Variants in SGCZ observed in about 807,000 individuals in gnomAD.
The protein encoded by SGCZ is sarcoglycan zeta.
In SGCZ, 40 loss-of-function variants were observed where a neutral mutation model predicts 41.3. That is an observed-to-expected ratio of 0.97 (90% CI 0.75 to 1.26). The LOEUF is 1.26. Ranked by LOEUF, SGCZ falls within the 50% of genes most tolerant of loss-of-function variation. SGCZ has a pLI of 0.00. For missense variants in SGCZ, 552 were observed against 369.8 expected (o/e 1.49, Z -4.04); for synonymous variants, 206 against 137.5 (o/e 1.50, Z -3.49).
intron 1 of SGCZ, among the ~76,000 whole-genome samples, chr8:14,925,200 T>C (rs117764448): frequency 0.017 from 2,587 of 152,304 alleles, 110 homozygotes; most frequent in Admixed American, 0.097. Flanking sequence ...AAAAGTCAAT[T>C]TTCTTTTGTA....
chr8:14,617,971 A>G (rs1806160135), intron 1 of SGCZ, among the ~76,000 whole-genome samples: 1 of 152,066 alleles, frequency 6.6e-6, no homozygotes, highest in South Asian at 2.1e-4. Context: ...TTTCCCTGTT[A>G]CAACTAAAAG....
At chr8:14,377,586 A>G (rs985310290) in intron 2 of SGCZ, among the ~76,000 whole-genome samples, 2 of 151,532 alleles carry the variant, frequency 1.3e-5, no homozygotes, top group Admixed American at 1.3e-4. Flanking sequence ...TGTGCAGGTT[A>G]GTTACATATG....
intron 1 of SGCZ, among the ~76,000 whole-genome samples, chr8:14,606,376 G>A (rs536551816): frequency 1.3e-5 from 2 of 152,136 alleles, no homozygotes; most frequent in Non-Finnish European, 2.9e-5. Context: ...CAATGGCTTT[G>A]TAATTAGTTC....
intron 7 of SGCZ, among the ~76,000 whole-genome samples, chr8:14,094,663 G>C (rs1484856889): frequency 6.6e-6 from 1 of 152,118 alleles, no homozygotes; most frequent in Non-Finnish European, 1.5e-5. Context: ...TAACGGGATT[G>C]ATGGGTCAAA....
At chr8:14,593,220 G>A (rs1362610652) in intron 1 of SGCZ, among the ~76,000 whole-genome samples, 10 of 152,104 alleles carry the variant, frequency 6.6e-5, no homozygotes, top group African/African-American at 9.7e-5. Context: ...ACAAAGCTCC[G>A]TTGTAAAAGG....
chr8:14,336,886 C>G (rs1379030228), intron 2 of SGCZ, among the ~76,000 whole-genome samples: 3 of 152,102 alleles, frequency 2.0e-5, no homozygotes, highest in Non-Finnish European at 2.9e-5. Flanking sequence ...TCATCCTGGA[C>G]TCTTCATTTC....
At chr8:14,206,431 A>T (rs536596847) in intron 4 of SGCZ, among the ~76,000 whole-genome samples, 1 of 152,304 alleles carries the variant, frequency 6.6e-6, no homozygotes, top group East Asian at 1.9e-4. Flanking sequence ...TACACACAAA[A>T]CTATTCACTT....
chr8:15,003,076 A>G (rs1036915404), intron 1 of SGCZ, among the ~76,000 whole-genome samples: 1 of 152,136 alleles, frequency 6.6e-6, no homozygotes, highest in African/African-American at 2.4e-5. Flanking sequence ...CAGCCTCACA[A>G]TCATGGCAAA....
At chr8:15,137,150 G>A (rs1344544504) in intron 1 of SGCZ, among the ~76,000 whole-genome samples, 1 of 152,180 alleles carries the variant, frequency 6.6e-6, no homozygotes, top group Non-Finnish European at 1.5e-5. Flanking sequence ...AGGAAGTAGA[G>A]CAAAGGTGAC....
chr8:15,189,889 C>T lies in SGCZ; in HGVS notation c.39+47696G>A, dbSNP rs1487982210. 1.2e-4 allele frequency among the ~76,000 whole-genome samples: 18 copies of T among 152,126 alleles called. 1 individual carries two copies. The highest frequency in any genetic ancestry group is 1.2e-3 in the Admixed American group (18 of 15,274). On this transcript the variant is annotated intron_variant, in intron 1 of 7. Coordinates refer to ENST00000382080, the MANE Select transcript of SGCZ (RefSeq NM_139167.4). Reference sequence around the variant, plus strand: ...TCCAAGTAAGACTTCCTGCCATATTCAGAATTTTGTTTATTTCAATTTCTT... The same window carrying T: ...TCCAAGTAAGACTTCCTGCCATATTTAGAATTTTGTTTATTTCAATTTCTT...
intron 1 of SGCZ, among the ~76,000 whole-genome samples, chr8:15,041,377 T>C (rs904189397): frequency 2.6e-5 from 4 of 152,028 alleles, no homozygotes; most frequent in African/African-American, 9.7e-5. Context: ...GAATGCATTT[T>C]AAAGTACACA....
chr8:14,807,821 C>T (rs1801595773), intron 1 of SGCZ, among the ~76,000 whole-genome samples: 1 of 152,194 alleles, frequency 6.6e-6, no homozygotes. Context: ...CACTATCTGA[C>T]TTCAAACTGT....
intron 1 of SGCZ, among the ~76,000 whole-genome samples, chr8:15,042,001 T>C (rs984630928): frequency 5.9e-5 from 9 of 152,044 alleles, no homozygotes; most frequent in African/African-American, 2.2e-4. Flanking sequence ...AAAATGAAAA[T>C]ATTTAGTATG....
chr8:14,963,356 G>A (rs1000307242), intron 1 of SGCZ, among the ~76,000 whole-genome samples: 2 of 141,326 alleles, frequency 1.4e-5, no homozygotes, highest in African/African-American at 5.5e-5. Context: ...TTTTTTGTTT[G>A]GAGACAGAGT....
At chr8:15,137,569 AC>A (rs1226942218) in intron 1 of SGCZ, among the ~76,000 whole-genome samples, 1 of 152,066 alleles carries the variant, frequency 6.6e-6, no homozygotes, top group African/African-American at 2.4e-5. Context: ...GGGACTTCAT[AC>A]CCTGTGTCCC....
intron 7 of SGCZ, among the ~76,000 whole-genome samples, chr8:14,097,773 T>G (rs1801890108): frequency 6.6e-6 from 1 of 152,170 alleles, no homozygotes; most frequent in Non-Finnish European, 1.5e-5. Flanking sequence ...TGGGTGCTCC[T>G]GTTTTGGGTG....
chr8:14,268,491 T>C (rs758508019), intron 3 of SGCZ, among the ~76,000 whole-genome samples: 2 of 151,836 alleles, frequency 1.3e-5, no homozygotes, highest in Middle Eastern at 3.4e-3. Flanking sequence ...TATAACACAA[T>C]TGGAAGTTAA....
chr8:14,615,301 C>G (rs1413311794), intron 1 of SGCZ, among the ~76,000 whole-genome samples: 1 of 152,160 alleles, frequency 6.6e-6, no homozygotes, highest in Non-Finnish European at 1.5e-5. Flanking sequence ...CAGTTGCAAG[C>G]AATGCACTCA....
intron 2 of SGCZ, among the ~76,000 whole-genome samples, chr8:14,471,367 A>G (rs1801208890): frequency 6.6e-6 from 1 of 152,138 alleles, no homozygotes; most frequent in African/African-American, 2.4e-5. Context: ...CTATTGTACT[A>G]AAGATGCTCA....
Sources: gnomAD v4.1 joint callset for allele counts (sites outside exome capture counted in the v4.1 genomes callset) on GRCh38, gnomAD v4.1.1 for gene constraint, MANE v1.5 for transcripts, NCBI Gene and HGNC (gene_info 2026-07-23, HGNC 2026-07-21) for gene names.